The following GJB7 variants were observed in gnomAD, a reference collection of about 807,000 sequenced individuals.
GJB7 encodes the protein gap junction protein beta 7.
For synonymous variants in GJB7, 87 were observed against 95.2 expected, an observed-to-expected ratio of 0.91 and a Z score of 0.50; for missense variants, 253 against 256.8, an observed-to-expected ratio of 0.99 and a Z score of 0.10.
chr6:87,315,093 C>T lies in GJB7; in HGVS notation c.-28+7773G>A, dbSNP rs1205168652. ...ACCATTGGAAGAAAGCATCTCTTTT[C>T]CACAAAAATGTGGCAAAAGCACCAC... is the stretch of plus-strand genomic sequence containing the variant. On this transcript the variant is annotated intron_variant, in intron 2 of 2. Coordinates refer to ENST00000525899, the MANE Select transcript of GJB7 (RefSeq NM_198568.3). Among the ~76,000 whole-genome samples, 4 of 152,122 alleles carry T rather than the reference C, an allele frequency of 2.6e-5. No individual in the cohort carries two copies. The East Asian group carries it at 7.7e-4, about 29-fold the overall frequency.
rs111665161 is a variant in GJB7 at position 87,300,353 on chromosome 6, C to G, written c.-27-15414G>C. On this transcript the variant is annotated intron_variant, in intron 2 of 2. Coordinates refer to ENST00000525899, the MANE Select transcript of GJB7 (RefSeq NM_198568.3). The stretch of plus-strand genomic sequence containing the variant: ...CTTTATTGGGCGCTGCTGGGGTGCA[C>G]TCTGTTAACTAAATCATAAGCTGTA... 2.8e-3 allele frequency: 577 copies of G among 209,424 alleles called. 2 individuals are homozygous for G. Among genetic ancestry groups the G allele is most frequent in the African/African-American group, 0.013 (548 of 43,304 alleles). 13.0% of individuals were successfully genotyped at this position (209,424 alleles called of 1,614,324 possible).
chr6:87,293,198 A>T (rs775532194), intron 2 of GJB7, among the ~76,000 whole-genome samples: 17 of 152,030 alleles, frequency 1.1e-4, no homozygotes, highest in South Asian at 1.0e-3. Context: ...CGCCCAGCTA[A>T]TTTTTTTATT....
intron 2 of GJB7, among the ~76,000 whole-genome samples, chr6:87,315,304 A>C (rs139925560): frequency 1.3e-5 from 2 of 152,110 alleles, no homozygotes; most frequent in African/African-American, 4.8e-5. Flanking sequence ...CAGCAATGAT[A>C]TCTTTCCTCC....
Position 87,284,819 on chromosome 6 carries a change from G to T in GJB7, c.94C>A (p.Arg32Ser), listed in dbSNP as rs112552839. Residue 32 changes from arginine to serine, a missense_variant, in exon 3 of 3, where the codon CGT becomes AGT. Arg to Ser is a moderately radical substitution (Grantham distance 110). Transcript: ENST00000525899. ...GCTGCCACCATGTAGACCAGCAAAC[G>T]GAAGACAAACACGACAGCCAGCCAA... ...WIWLAVVFVF[R>S]LLVYMVAAEH... is the part of the protein sequence containing the mutation. 4 of 1,613,978 alleles carry T rather than the reference G, an allele frequency of 2.5e-6. No homozygotes were observed. Among genetic ancestry groups the T allele is most frequent in the Non-Finnish European group, 8.5e-7 (1 of 1,179,982 alleles).
intron 2 of GJB7, among the ~76,000 whole-genome samples, chr6:87,306,422 A>C (rs1178184846): frequency 6.6e-6 from 1 of 152,250 alleles, no homozygotes; most frequent in African/African-American, 2.4e-5. Flanking sequence ...ACACATGAAA[A>C]AATGCTCACC....
At chr6:87,312,610 A>G (rs1293782921) in intron 2 of GJB7, among the ~76,000 whole-genome samples, 1 of 152,214 alleles carries the variant, frequency 6.6e-6, no homozygotes, top group Non-Finnish European at 1.5e-5. Flanking sequence ...TAAATGCAAC[A>G]ACAGTATTAA....
intron 1 of GJB7, among the ~76,000 whole-genome samples, chr6:87,327,367 CTTTACATTTTGGCAATGGA>C (rs1174941749): frequency 2.7e-4 from 41 of 151,994 alleles, no homozygotes; most frequent in African/African-American, 9.9e-4. Context: ...TCTCAATGGT[CTTTACATTTTGGCAATGGA>C]TGGTACAGGT....
rs1404081051 is a variant in GJB7, at chr6:87,284,316, A to G, written c.597T>C (p.Ser199=). The change falls in exon 3 of 3, where the codon AGT becomes AGC. Residue 199 remains serine (S), a synonymous_variant. Transcript: ENST00000525899. ...LCIVLNFIEL[S]FLVLKCFIKC... ...TAATAAAGCACTTGAGAACCAAAAA[A>G]CTCAGTTCAATGAAATTCAACACAA... 3 of 1,613,868 alleles carry G rather than the reference A, an allele frequency of 1.9e-6. No individual in the cohort carries two copies. The highest frequency in any genetic ancestry group is 2.5e-6 in the Non-Finnish European group (3 of 1,179,944).
intron 2 of GJB7, among the ~76,000 whole-genome samples, chr6:87,302,930 G>C (rs1776358142): frequency 1.3e-5 from 2 of 152,170 alleles, no homozygotes; most frequent in African/African-American, 4.8e-5. Flanking sequence ...GCCAAACTAA[G>C]CTTCATAAGT....
chr6:87,305,055 C>A (rs193232697), intron 2 of GJB7, among the ~76,000 whole-genome samples: 1 of 152,092 alleles, frequency 6.6e-6, no homozygotes, highest in Non-Finnish European at 1.5e-5. Flanking sequence ...TCTGACAAAC[C>A]CACAGCCAAT....
chr6:87,284,518 GT>G lies in GJB7; in HGVS notation c.394del (p.Thr132LeufsTer24). 6.2e-7 allele frequency: 1 copy of G among 1,614,092 alleles called. No homozygotes were observed. The highest frequency in any genetic ancestry group is 8.5e-7 in the Non-Finnish European group (1 of 1,180,000). Reference sequence around the variant, plus strand: ...AACAAGGAAGCCAATTTCAAAACCAGTTTTAACAATGAGGCTGATAAGATAA... The same window carrying G: ...AACAAGGAAGCCAATTTCAAAACCAGTTTAACAATGAGGCTGATAAGATAA... Reference protein sequence around the residue: ...YAYLISLIVKTGFEIGFLVLF... With the variant: ...YAYLISLIVKXGFEIGFLVLF... On this transcript the variant is annotated frameshift_variant, in exon 3 of 3. Transcript: ENST00000525899. LOFTEE classifies it low-confidence loss of function (END_TRUNC).
chr6:87,300,114 A>G (rs79754915), intron 2 of GJB7: 3,806 of 299,168 alleles, frequency 0.013, 140 homozygotes, highest in African/African-American at 0.077. Context: ...CCTTGGATTC[A>G]TTAACTCCAG....
intron 1 of GJB7, among the ~76,000 whole-genome samples, 159 bp downstream of exon 1, chr6:87,328,978 GA>G (rs1313718096): frequency 6.6e-6 from 1 of 152,236 alleles, no homozygotes; most frequent in African/African-American, 2.4e-5. Flanking sequence ...AAGCCCGTCG[GA>G]AAAGCGCAGG....
chr6:87,315,314 C>T (rs1011328459), intron 2 of GJB7, among the ~76,000 whole-genome samples: 1 of 152,124 alleles, frequency 6.6e-6, no homozygotes, highest in East Asian at 1.9e-4. Flanking sequence ...ATCTTTCCTC[C>T]TGTCCAAAGC....
At chr6:87,327,470 C>T (rs1382114205) in intron 1 of GJB7, among the ~76,000 whole-genome samples, 2 of 151,940 alleles carry the variant, frequency 1.3e-5, no homozygotes, top group Non-Finnish European at 2.9e-5. Context: ...AATCTCTCAG[C>T]ATTTGCTTGT....
At chr6:87,322,631 A>C (rs1481532242) in intron 2 of GJB7, 1 of 152,234 alleles carries the variant, frequency 6.6e-6, no homozygotes, top group Non-Finnish European at 1.5e-5. Flanking sequence ...ACCCCGCGAA[A>C]GGTAAGCGGC....
chr6:87,320,985 G>A (rs113978019), intron 2 of GJB7, among the ~76,000 whole-genome samples: 1,777 of 152,268 alleles, frequency 0.012, 38 homozygotes, highest in African/African-American at 0.039. Flanking sequence ...TTGGGAGGCC[G>A]AGGTGGGTGG....
At chr6:87,286,315 C>G (rs1316111575) in intron 2 of GJB7, among the ~76,000 whole-genome samples, 1 of 152,156 alleles carries the variant, frequency 6.6e-6, no homozygotes, top group East Asian at 1.9e-4. Context: ...TCACCAACAC[C>G]CAAGCGCCTG....
At chr6:87,305,787 C>T (rs1053801020) in intron 2 of GJB7, among the ~76,000 whole-genome samples, 1 of 152,172 alleles carries the variant, frequency 6.6e-6, no homozygotes, top group Non-Finnish European at 1.5e-5. Context: ...TACTACAAGG[C>T]TACGGTAACC....
Sources: gnomAD v4.1 joint callset for allele counts (sites outside exome capture counted in the v4.1 genomes callset) on GRCh38, gnomAD v4.1.1 for gene constraint, MANE v1.5 for transcripts, NCBI Gene and HGNC (gene_info 2026-07-23, HGNC 2026-07-21) for gene names.